The following NXPE1 variants were observed in gnomAD, a reference collection of about 807,000 sequenced individuals.
The protein encoded by NXPE1 is NXPE family member 1.
Under a neutral mutation model 33.3 loss-of-function variants are expected in NXPE1, and 31 were observed. The ratio of observed to expected loss-of-function variants is 0.93; its 90% confidence interval spans 0.70 to 1.26. The LOEUF is 1.26. Ranked by LOEUF, NXPE1 falls within the 50% of genes most tolerant of loss-of-function variation. The pLI, the probability that NXPE1 is intolerant of heterozygous loss-of-function variation, is 0.00. For missense variants in NXPE1, 661 were observed against 655.6 expected (o/e 1.01, Z -0.09); for synonymous variants, 229 against 231.4 (o/e 0.99, Z 0.09).
chr11:114,537,760 C>A (rs1947894077), intron 5 of NXPE1, among the ~76,000 whole-genome samples: 1 of 151,740 alleles, frequency 6.6e-6, no homozygotes, highest in Non-Finnish European at 1.5e-5. Flanking sequence ...AACTACAAAC[C>A]ACTGCTCAAT....
At chr11:114,545,045 A>T (rs187140317) in intron 5 of NXPE1, among the ~76,000 whole-genome samples, 55 of 151,662 alleles carry the variant, frequency 3.6e-4, no homozygotes, top group African/African-American at 9.9e-4. Flanking sequence ...GCTAAAATTT[A>T]AAAAAAAACC....
intron 5 of NXPE1, among the ~76,000 whole-genome samples, chr11:114,535,647 A>G (rs1947789607): frequency 6.6e-6 from 1 of 152,214 alleles, no homozygotes. Context: ...TCTCGGATAA[A>G]ACAGACTTAA....
At chr11:114,556,564 G>GTATA (rs1591311930) in intron 1 of NXPE1, among the ~76,000 whole-genome samples, 2 of 151,908 alleles carry the variant, frequency 1.3e-5, no homozygotes, top group Admixed American at 1.3e-4. Context: ...ACACACTGAG[G>GTATA]TATATTGTCA....
chr11:114,529,762 G>T (rs1157753516), intron 6 of NXPE1: 1 of 173,624 alleles, frequency 5.8e-6, no homozygotes, highest in African/African-American at 2.4e-5. Flanking sequence ...TGGGAAGCTG[G>T]TATGGGTAAT....
intron 7 of NXPE1, among the ~76,000 whole-genome samples, chr11:114,526,262 G>C (rs1163412112): frequency 6.6e-6 from 1 of 152,154 alleles, no homozygotes; most frequent in African/African-American, 2.4e-5. Context: ...TGGACATCTG[G>C]ACTACAGACT....
intron 5 of NXPE1, 136 bp downstream of exon 5, chr11:114,550,967 G>A (rs952505142): frequency 6.7e-6 from 4 of 596,614 alleles, no homozygotes; most frequent in African/African-American, 1.9e-5. Flanking sequence ...TAAGGAGTTA[G>A]GTAGAGAGAG....
At chr11:114,523,447 G>C (rs908522388) in intron 7 of NXPE1, among the ~76,000 whole-genome samples, 1 of 152,030 alleles carries the variant, frequency 6.6e-6, no homozygotes, top group African/African-American at 2.4e-5. Flanking sequence ...CTGCCAGTTG[G>C]TGCCGCTGTA....
chr11:114,528,022 G>A (rs771796822), intron 6 of NXPE1, 121 bp from the exon 7 acceptor site: 8 of 644,622 alleles, frequency 1.2e-5, no homozygotes, highest in Non-Finnish European at 2.1e-5. Flanking sequence ...TGTTATTATT[G>A]TTGTAAATTT....
intron 5 of NXPE1, among the ~76,000 whole-genome samples, chr11:114,534,821 T>G (rs1173170362): frequency 6.6e-6 from 1 of 152,166 alleles, no homozygotes; most frequent in East Asian, 1.9e-4. Context: ...TACCTGAAAG[T>G]GACGGGGAGA....
intron 5 of NXPE1, among the ~76,000 whole-genome samples, chr11:114,550,204 C>G (rs1405923103): frequency 1.3e-5 from 2 of 152,090 alleles, no homozygotes; most frequent in African/African-American, 4.8e-5. Flanking sequence ...CTGGGTCAGA[C>G]AGGCCAGTTA....
chr11:114,529,118 GACTTTGAA>G (rs1947476868), intron 6 of NXPE1: 1 of 288,248 alleles, frequency 3.5e-6, no homozygotes, highest in African/African-American at 2.2e-5. Flanking sequence ...CTCTAAACTT[GACTTTGAA>G]AACTGCTAGA....
At chr11:114,557,100 G>A (rs931449371) in intron 1 of NXPE1, among the ~76,000 whole-genome samples, 7 of 151,878 alleles carry the variant, frequency 4.6e-5, no homozygotes, top group African/African-American at 1.7e-4. Flanking sequence ...CACCATGTTG[G>A]CCAGGCTGGT....
exon 6 of NXPE1, chr11:114,530,580 A>T (rs370911123): frequency 6.2e-7 from 1 of 1,613,968 alleles, no homozygotes; most frequent in East Asian, 2.2e-5. Context: ...TGGGGAGGAC[A>T]TCCTGGCCCT....
intron 3 of NXPE1, 27 bp from the exon 4 acceptor site, chr11:114,551,468 T>C (rs1251420493): frequency 1.7e-6 from 2 of 1,170,256 alleles, no homozygotes; most frequent in Non-Finnish European, 2.1e-6. Flanking sequence ...AGTCACCTTA[T>C]AGGTTCTCTT....
exon 7 of NXPE1, chr11:114,527,886 A>C: frequency 6.3e-7 from 1 of 1,594,016 alleles, no homozygotes; most frequent in Admixed American, 1.7e-5. Context: ...TCATCATTTC[A>C]ACTCCCACTT....
chr11:114,554,407 C>T (rs1301747025), intron 1 of NXPE1: 3 of 984,694 alleles, frequency 3.0e-6, no homozygotes, highest in Non-Finnish European at 3.6e-6. Context: ...TATTCCAGAA[C>T]AGGGGGTTCT....
chr11:114,534,505 C>T (rs1029547589), intron 5 of NXPE1, among the ~76,000 whole-genome samples: 21 of 151,932 alleles, frequency 1.4e-4, no homozygotes, highest in Admixed American at 2.6e-4. Flanking sequence ...GGAGGAAGTT[C>T]GAATCAATGG....
intron 5 of NXPE1, among the ~76,000 whole-genome samples, chr11:114,538,778 G>A (rs938965233): frequency 1.3e-5 from 2 of 152,028 alleles, no homozygotes; most frequent in African/African-American, 4.8e-5. Flanking sequence ...AAAAAGTCAG[G>A]AAACAACAGG....
chr11:114,530,947 C>T (rs757307516), intron 5 of NXPE1, 39 bp from the exon 6 acceptor site: 2 of 1,525,164 alleles, frequency 1.3e-6, no homozygotes, highest in South Asian at 2.6e-5. Context: ...TGAAATTAAC[C>T]TGTCTAATCA....
Sources: allele counts gnomAD v4.1 joint callset (sites outside exome capture counted in the v4.1 genomes callset), GRCh38; gene constraint gnomAD v4.1.1; transcripts MANE v1.5; gene names NCBI Gene and HGNC (gene_info 2026-07-23, HGNC 2026-07-21).